MBOAT2: variants seen among roughly 807,000 people sequenced by gnomAD.
MBOAT2 encodes the protein membrane-bound glycerophospholipid O-acyltransferase 2.
In MBOAT2, 28 loss-of-function variants were observed where a neutral mutation model predicts 63.4. The observed-to-expected ratio is 0.44, with a 90% confidence interval of 0.33 to 0.61. The LOEUF is 0.61. Among genes scored for constraint, MBOAT2 ranks in the 20% least tolerant of loss-of-function variants. MBOAT2 has a pLI of 0.03. For missense variants in MBOAT2, 470 were observed against 605.8 expected (o/e 0.78, Z 2.35); for synonymous variants, 211 against 215.6 (o/e 0.98, Z 0.19).
At chr2:8,893,602 C>T (rs978053661) in intron 4 of MBOAT2, among the ~76,000 whole-genome samples, 4 of 152,144 alleles carry the variant, frequency 2.6e-5, no homozygotes, top group Non-Finnish European at 4.4e-5. Flanking sequence ...AAGCCAGTGG[C>T]GCTGAAGGGA....
intron 1 of MBOAT2, among the ~76,000 whole-genome samples, chr2:8,979,261 T>C (rs1020647443): frequency 2.6e-5 from 4 of 152,182 alleles, no homozygotes; most frequent in Non-Finnish European, 4.4e-5. Flanking sequence ...GGATCAGTGG[T>C]ATCTTGCCTT....
chr2:8,968,689 C>T (rs1343971459), intron 1 of MBOAT2, among the ~76,000 whole-genome samples: 2 of 152,114 alleles, frequency 1.3e-5, no homozygotes, highest in East Asian at 1.9e-4. Flanking sequence ...CTTAAATGAC[C>T]TGATGTAGCT....
chr2:8,923,097 C>T (rs543157582), intron 3 of MBOAT2, among the ~76,000 whole-genome samples: 1 of 152,328 alleles, frequency 6.6e-6, no homozygotes, highest in Non-Finnish European at 1.5e-5. Context: ...TGATCCTGCC[C>T]TTGTTCAAAA....
chr2:8,867,832 C>T (rs1662013417), intron 9 of MBOAT2, among the ~76,000 whole-genome samples: 1 of 152,204 alleles, frequency 6.6e-6, no homozygotes, highest in Non-Finnish European at 1.5e-5. Context: ...ATTCTACATG[C>T]CAGATCCTTC....
intron 2 of MBOAT2, among the ~76,000 whole-genome samples, chr2:8,955,091 A>G (rs1353070009): frequency 6.6e-6 from 1 of 152,200 alleles, no homozygotes; most frequent in African/African-American, 2.4e-5. Flanking sequence ...AATTCTGGCT[A>G]TGGAGGCCCC....
chr2:9,001,290 C>T (rs1035598500), intron 1 of MBOAT2, among the ~76,000 whole-genome samples: 2 of 152,050 alleles, frequency 1.3e-5, no homozygotes, highest in African/African-American at 2.4e-5. Flanking sequence ...TCAAATATTA[C>T]GTACTGTACC....
chr2:8,947,279 T>C (rs886587623), intron 2 of MBOAT2, among the ~76,000 whole-genome samples: 21 of 152,178 alleles, frequency 1.4e-4, no homozygotes, highest in African/African-American at 5.1e-4. Context: ...ATTTTGAAGC[T>C]AGCAGACACT....
chr2:8,897,170 T>C (rs1482487788), intron 4 of MBOAT2, among the ~76,000 whole-genome samples: 3 of 152,206 alleles, frequency 2.0e-5, no homozygotes, highest in Non-Finnish European at 4.4e-5. Context: ...TTTGACTTTC[T>C]GTGTCTCTTT....
intron 3 of MBOAT2, among the ~76,000 whole-genome samples, chr2:8,938,089 C>T (rs1372620244): frequency 1.3e-5 from 2 of 152,152 alleles, no homozygotes; most frequent in African/African-American, 4.8e-5. Context: ...GGATTGTCTC[C>T]ACAGCCAGAT....
chr2:8,926,004 G>A (rs993990985), intron 3 of MBOAT2, among the ~76,000 whole-genome samples: 2 of 152,226 alleles, frequency 1.3e-5, no homozygotes, highest in Non-Finnish European at 2.9e-5. Context: ...TGTAGAGAGG[G>A]TAAGTAACTT....
rs1661414703 is a variant in MBOAT2 at position 8,860,449 on chromosome 2, A to G, written c.1337+164T>C. ...GAGCAGTATGAGTCATTCCACAGAG[A>G]AACGCTGAGACTTGCTTGGTTCAGA... On this transcript the variant is annotated intron_variant, in intron 12 of 12. Coordinates refer to ENST00000305997, the MANE Select transcript of MBOAT2 (RefSeq NM_138799.4). Among the ~76,000 whole-genome samples the G allele has an allele frequency of 2.0e-5, 3 of 152,230 alleles. No homozygotes were observed. The South Asian group carries it at 6.2e-4, about 32-fold the overall frequency.
At chr2:8,967,222 T>C (rs562056553) in intron 1 of MBOAT2, among the ~76,000 whole-genome samples, 34 of 152,210 alleles carry the variant, frequency 2.2e-4, no homozygotes, top group African/African-American at 3.9e-4. Flanking sequence ...CGGGTTATAA[T>C]AGTGACAGAC....
intron 3 of MBOAT2, among the ~76,000 whole-genome samples, chr2:8,924,078 T>C (rs1666768781): frequency 6.6e-6 from 1 of 152,092 alleles, no homozygotes. Context: ...TAAACTTGAG[T>C]TCTTTAAATG....
chr2:8,867,603 A>G (rs897394198), intron 9 of MBOAT2, among the ~76,000 whole-genome samples: 2 of 152,252 alleles, frequency 1.3e-5, no homozygotes, highest in Non-Finnish European at 2.9e-5. Context: ...AGCTATCACC[A>G]TAAACCTAGA....
At chr2:8,881,729 A>T (rs1446987788) in intron 6 of MBOAT2, among the ~76,000 whole-genome samples, 1 of 152,224 alleles carries the variant, frequency 6.6e-6, no homozygotes, top group Non-Finnish European at 1.5e-5. Context: ...GGATATCAGA[A>T]TAGAACATTT....
At chr2:8,886,897 G>A (rs1422759023) in intron 5 of MBOAT2, among the ~76,000 whole-genome samples, 1 of 152,192 alleles carries the variant, frequency 6.6e-6, no homozygotes, top group African/African-American at 2.4e-5. Flanking sequence ...GTTTCCTAGT[G>A]TAAGTTTTAT....
Position 8,856,140 on chromosome 2 carries a change from C to T in MBOAT2, c.*2539G>A, listed in dbSNP as rs1464566042. On this transcript the variant is annotated 3_prime_UTR_variant, in exon 13 of 13. Coordinates refer to ENST00000305997, the MANE Select transcript of MBOAT2 (RefSeq NM_138799.4). This position sits in a 1 kb window ranked among gnomAD's most constrained non-coding sequence, Gnocchi z 4.2. ...AAACTGGATATGGAATTATTATCTT[C>T]GAAGGAACCAGAAAACCAATCAAAT... The T allele has an allele frequency of 6.6e-6, 1 of 152,080 alleles. No homozygotes were observed. The highest frequency in any genetic ancestry group is 1.5e-5 in the Non-Finnish European group (1 of 68,028). The allele number at this position is 152,080 out of a possible 1,614,324, so 9.4% of individuals were successfully genotyped here. A position where few individuals can be genotyped will look rare whatever the true frequency, so the allele number is the denominator to read the frequency against.
chr2:8,967,688 C>T (rs1411514968), intron 1 of MBOAT2, among the ~76,000 whole-genome samples: 1 of 151,944 alleles, frequency 6.6e-6, no homozygotes, highest in East Asian at 1.9e-4. Flanking sequence ...GATGAACAGA[C>T]GAACAGACAG....
At chr2:8,911,879 T>C (rs900965369) in intron 3 of MBOAT2, among the ~76,000 whole-genome samples, 1 of 152,104 alleles carries the variant, frequency 6.6e-6, no homozygotes, top group African/African-American at 2.4e-5. Context: ...TATAGAAACA[T>C]TACATTAAGA....
Sources: gnomAD v4.1 joint callset for allele counts (sites outside exome capture counted in the v4.1 genomes callset) on GRCh38, gnomAD v4.1.1 for gene constraint, Gnocchi (gnomAD v3.1) non-coding constraint, MANE v1.5 for transcripts, NCBI Gene and HGNC (gene_info 2026-07-23, HGNC 2026-07-21) for gene names.